Variants in SHTN1 observed in about 807,000 individuals in gnomAD.
SHTN1 encodes shootin-1.
A neutral mutation model predicts 83.1 loss-of-function variants in SHTN1; 42 were observed. That is an observed-to-expected ratio of 0.51 (90% confidence interval 0.39 to 0.65). The LOEUF (loss-of-function observed/expected upper bound fraction) is 0.65. Among genes scored for constraint, SHTN1 ranks in the 30% least tolerant of loss-of-function variants. The pLI, the probability that SHTN1 is intolerant of heterozygous loss-of-function variation, is 0.00. For missense variants in SHTN1, 622 were observed against 737.8 expected, an observed-to-expected ratio of 0.84 and a Z score of 1.82; for synonymous variants, 224 against 247.7, an observed-to-expected ratio of 0.90 and a Z score of 0.90.
intron 2 of SHTN1, among the ~76,000 whole-genome samples, chr10:117,047,698 G>A (rs1294681442): frequency 6.6e-6 from 1 of 150,618 alleles, no homozygotes; most frequent in African/African-American, 2.4e-5. Context: ...TAGTTTGCAG[G>A]AGGTATGCAG....
At chr10:116,926,443 T>C (rs748889841) in intron 11 of SHTN1, among the ~76,000 whole-genome samples, 1 of 152,246 alleles carries the variant, frequency 6.6e-6, no homozygotes, top group Non-Finnish European at 1.5e-5. Flanking sequence ...TTAAAATACC[T>C]GAAATTCTTT....
chr10:116,900,683 A>G, intron 16 of SHTN1: 2 of 1,466,146 alleles, frequency 1.4e-6, no homozygotes, highest in South Asian at 2.8e-5. Context: ...TAGGTGTTAA[A>G]CAAATTTAAT....
At chr10:116,994,321 G>A (rs1331163941) in intron 1 of SHTN1, among the ~76,000 whole-genome samples, 2 of 152,076 alleles carry the variant, frequency 1.3e-5, no homozygotes, top group South Asian at 4.1e-4. Flanking sequence ...AAGAGAGCAA[G>A]AGAAAGTCTT....
chr10:116,929,890 T>C lies in SHTN1; in HGVS notation c.971A>G (p.Tyr324Cys), dbSNP rs758467847. The change falls in exon 10 of 17, where the codon TAT (tyrosine) becomes TGT (cysteine). Residue 324 changes from tyrosine (Y) to cysteine (C), a missense_variant. By Grantham distance (194) the Tyr-to-Cys change is radical. This residue lies in a region of SHTN1 where 383 missense variants were observed against 455.8 expected (regional missense o/e 0.84). Transcript: ENST00000355371. ...TCTGGCTTTCTCTTCAGAATTCTGA[T>C]ATTTCAATTCCAATTCCTTTTTATC... ...EEDKKELELK[Y>C]QNSEEKARNL... The C allele has an allele frequency of 6.2e-7, 1 of 1,609,998 alleles. No individual in the cohort carries two copies. The highest frequency in any genetic ancestry group is 1.3e-5 in the African/African-American group (1 of 74,786).
chr10:116,943,916 T>C (rs570809597), intron 8 of SHTN1, among the ~76,000 whole-genome samples: 6 of 152,066 alleles, frequency 3.9e-5, no homozygotes, highest in African/African-American at 1.4e-4. Context: ...GAACTCCTCA[T>C]CCCCCTGGAT....
intron 1 of SHTN1, among the ~76,000 whole-genome samples, chr10:117,067,818 G>C (rs1200781730): frequency 6.6e-6 from 1 of 152,024 alleles, no homozygotes; most frequent in Non-Finnish European, 1.5e-5. Flanking sequence ...GACAGTATTT[G>C]GTAACATATT....
At chr10:117,042,167 A>G (rs1852593130) in intron 2 of SHTN1, among the ~76,000 whole-genome samples, 1 of 152,238 alleles carries the variant, frequency 6.6e-6, no homozygotes, top group African/African-American at 2.4e-5. Flanking sequence ...CATCTTTACC[A>G]GGAATGGTAG....
intron 1 of SHTN1, among the ~76,000 whole-genome samples, chr10:117,091,286 A>C (rs573495342): frequency 1.3e-5 from 2 of 152,344 alleles, no homozygotes; most frequent in South Asian, 4.1e-4. Context: ...TAATCCTGAA[A>C]TATCTCAGAT....
intron 9 of SHTN1, among the ~76,000 whole-genome samples, chr10:116,934,757 G>A (rs1034280090): frequency 6.6e-6 from 1 of 152,074 alleles, no homozygotes; most frequent in African/African-American, 2.4e-5. Context: ...AATTACTCTG[G>A]GCAGTACAGC....
intron 2 of SHTN1, among the ~76,000 whole-genome samples, chr10:116,971,322 A>G (rs376960459): frequency 6.6e-6 from 1 of 152,138 alleles, no homozygotes; most frequent in Non-Finnish European, 1.5e-5. Context: ...CCTCTGTAAA[A>G]AATAATAATA....
At chr10:116,930,601 T>C (rs529739981) in intron 9 of SHTN1, among the ~76,000 whole-genome samples, 6 of 152,360 alleles carry the variant, frequency 3.9e-5, no homozygotes, top group South Asian at 2.1e-4. Context: ...TGGTGTAATA[T>C]GTACCAGATT....
intron 1 of SHTN1, among the ~76,000 whole-genome samples, chr10:117,108,234 G>A (rs1342389691): frequency 6.6e-6 from 1 of 152,058 alleles, no homozygotes; most frequent in East Asian, 1.9e-4. Flanking sequence ...TATAAATCAT[G>A]CTGCTATAAA....
chr10:117,100,473 T>C (rs896047373), intron 1 of SHTN1, among the ~76,000 whole-genome samples: 2 of 152,232 alleles, frequency 1.3e-5, no homozygotes, highest in African/African-American at 2.4e-5. Context: ...TTCTTGCCAT[T>C]CCTTTCTTTT....
intron 1 of SHTN1, among the ~76,000 whole-genome samples, chr10:117,077,212 A>G (rs1853171727): frequency 6.6e-6 from 1 of 152,206 alleles, no homozygotes; most frequent in African/African-American, 2.4e-5. Flanking sequence ...GCTTTTCCCA[A>G]CAGCTGATCA....
At chr10:117,033,741 G>T (rs1167167116) in intron 2 of SHTN1, among the ~76,000 whole-genome samples, 1 of 151,958 alleles carries the variant, frequency 6.6e-6, no homozygotes, top group East Asian at 1.9e-4. Context: ...GAAACTACAG[G>T]CCAATGTTTC....
At chr10:116,979,635 A>C (rs559040492) in intron 1 of SHTN1, among the ~76,000 whole-genome samples, 1 of 152,332 alleles carries the variant, frequency 6.6e-6, no homozygotes, top group African/African-American at 2.4e-5. Context: ...GAGCCCACCA[A>C]ACTAAATTTC....
chr10:116,953,444 A>C (rs1208845965), intron 5 of SHTN1, among the ~76,000 whole-genome samples: 1 of 152,168 alleles, frequency 6.6e-6, no homozygotes, highest in Non-Finnish European at 1.5e-5. Context: ...ACAAGAAAGT[A>C]ACTCATAAAG....
rs1368582894 is a variant in SHTN1 at position 116,965,338 on chromosome 10, GA to G, written c.172+3313del. ...TCAAGACCAATCTGGCCAACATGGT[GA>G]AACCCCATCTCTACTAAAAATACAA... On this transcript the variant is annotated intron_variant, in intron 3 of 16. Coordinates refer to ENST00000355371, the MANE Select transcript of SHTN1 (RefSeq NM_001127211.3). Among the ~76,000 whole-genome samples the G allele has an allele frequency of 1.4e-4, 22 of 152,276 alleles. 2 individuals are homozygous for G. Among genetic ancestry groups the G allele is most frequent in the African/African-American group, 5.3e-4 (22 of 41,554 alleles).
At chr10:117,125,863 C>G (rs1853997083) in intron 1 of SHTN1, among the ~76,000 whole-genome samples, 1 of 152,200 alleles carries the variant, frequency 6.6e-6, no homozygotes. Context: ...CGGGAAGGGA[C>G]TAAGCCAGAC....
Sources: gnomAD v4.1 joint callset for allele counts (sites outside exome capture counted in the v4.1 genomes callset) on GRCh38, gnomAD v4.1.1 for gene constraint, gnomAD v4.1.1 regional missense constraint, MANE v1.5 for transcripts, NCBI Gene and HGNC (gene_info 2026-07-23, HGNC 2026-07-21) for gene names.